Variants in YTHDC1 observed in about 807,000 individuals in gnomAD.
YTHDC1 encodes the protein YTH N6-methyladenosine RNA binding protein C1, also known as YTH domain-containing protein 1.
YTHDC1 carries 12 observed loss-of-function variants against 107.0 expected under a neutral mutation model. The ratio of observed to expected loss-of-function variants is 0.11; its 90% CI spans 0.07 to 0.18. YTHDC1 has a LOEUF of 0.18. Among genes scored for constraint, YTHDC1 ranks in the 10% least tolerant of loss-of-function variants. The probability of loss-of-function intolerance (pLI) is 1.00; values close to 1 mark genes in which losing one functional copy is unlikely to be tolerated. For synonymous variants in YTHDC1, 280 were observed against 289.5 expected, an observed-to-expected ratio of 0.97 and a Z score of 0.33; for missense variants, 635 against 898.8, an observed-to-expected ratio of 0.71 and a Z score of 3.75.
intron 1 of YTHDC1, among the ~76,000 whole-genome samples, chr4:68,349,492 G>C (rs1560511603): frequency 6.6e-6 from 1 of 151,948 alleles, no homozygotes; most frequent in Admixed American, 6.6e-5. Context: ...CGTGAAATCC[G>C]CATCAAAGAA....
At chr4:68,339,364 AG>A (rs1724567305) in intron 1 of YTHDC1, among the ~76,000 whole-genome samples, 2 of 152,252 alleles carry the variant, frequency 1.3e-5, no homozygotes, top group South Asian at 4.1e-4. Flanking sequence ...TTCATATCAA[AG>A]CAGACCTAGA....
rs148288862 is a variant in YTHDC1 at position 68,349,136 on chromosome 4, C to T, written c.28+590G>A. Among the ~76,000 whole-genome samples, 6 of 152,336 alleles carry T rather than the reference C, an allele frequency of 3.9e-5. No individual in the cohort carries two copies. In the East Asian group the frequency reaches 7.7e-4, roughly 20 times the overall value. On this transcript the variant is annotated intron_variant, in intron 1 of 16. Transcript: ENST00000344157. Reference sequence around the variant, plus strand: ...TTGCCAGCCTAAGTCACACAGTCATCTTTCCAAACTAAGTATTCCTTTTTC... The same window carrying T: ...TTGCCAGCCTAAGTCACACAGTCATTTTTCCAAACTAAGTATTCCTTTTTC...
intron 7 of YTHDC1, among the ~76,000 whole-genome samples, chr4:68,330,631 A>G (rs958955143): frequency 1.3e-5 from 2 of 152,156 alleles, no homozygotes; most frequent in Non-Finnish European, 2.9e-5. Flanking sequence ...ACAACCATTT[A>G]CTGTGGTAAA....
intron 4 of YTHDC1, among the ~76,000 whole-genome samples, chr4:68,333,787 C>A (rs1329263410): frequency 6.6e-6 from 1 of 151,940 alleles, no homozygotes; most frequent in East Asian, 1.9e-4. Flanking sequence ...TTTTTAAACT[C>A]CACTACCATT....
At chr4:68,344,113 A>C (rs1725149210) in intron 1 of YTHDC1, 1 of 152,152 alleles carries the variant, frequency 6.6e-6, no homozygotes, top group Non-Finnish European at 1.5e-5. Flanking sequence ...ACATATGTCA[A>C]AGTTTTGCAT....
chr4:68,322,647 C>T lies in YTHDC1; in HGVS notation c.1601+102G>A. On this transcript the variant is annotated intron_variant, in intron 11 of 16. Coordinates refer to ENST00000344157, the MANE Select transcript of YTHDC1 (RefSeq NM_001031732.4). This position sits in a 1 kb window ranked among gnomAD's most constrained non-coding sequence, Gnocchi z 4.8. The stretch of plus-strand genomic sequence containing the variant: ...CCATGCAGCTTGATTTGAGGATTTT[C>T]TCTTTCTTCTTTACCGCAGGACAAA... 1 of 1,384,554 alleles carries T rather than the reference C, an allele frequency of 7.2e-7. No homozygotes were observed. Among genetic ancestry groups the T allele is most frequent in the Non-Finnish European group, 9.7e-7 (1 of 1,031,784 alleles). 85.8% of individuals were successfully genotyped at this position (1,384,554 alleles called of 1,614,324 possible). A position where few individuals can be genotyped will look rare whatever the true frequency, so the allele number is the denominator to read the frequency against.
intron 15 of YTHDC1, among the ~76,000 whole-genome samples, chr4:68,316,806 T>C (rs962466237): frequency 6.6e-6 from 1 of 152,194 alleles, no homozygotes; most frequent in African/African-American, 2.4e-5. Flanking sequence ...AAGGGAAAAC[T>C]GAAGCAACAA....
chr4:68,320,148 A>G lies in YTHDC1; in HGVS notation c.1659T>C (p.Tyr553=). ...HNSRKKPRID[Y]PPEFHQRPGY... is the part of the protein sequence containing the mutation. ...CTGGTCTCTGGTGAAACTCAGGGGG[A>G]TAGTCAATCCTTGGTTTCTTTCTGC... is the stretch of plus-strand genomic sequence containing the variant. Residue 553 remains tyrosine (Y), a synonymous_variant, in exon 12 of 17, where the codon TAT becomes TAC. Transcript: ENST00000344157. The G allele has an allele frequency of 6.2e-7, 1 of 1,609,908 alleles. No individual in the cohort carries two copies. The highest frequency in any genetic ancestry group is 8.5e-7 in the Non-Finnish European group (1 of 1,178,666).
chr4:68,349,648 C>CCCACGA, intron 1 of YTHDC1, 78 bp downstream of exon 1: 1 of 458,742 alleles, frequency 2.2e-6, no homozygotes, highest in South Asian at 1.6e-5. Context: ...CCCCCCACCC[C>CCCACGA]CAACGACGAC....
intron 4 of YTHDC1, among the ~76,000 whole-genome samples, chr4:68,336,793 T>G (rs1364656347): frequency 3.3e-5 from 5 of 152,232 alleles, no homozygotes; most frequent in African/African-American, 1.2e-4. Context: ...CAAATGGACT[T>G]GTGTTCATTT....
intron 15 of YTHDC1, among the ~76,000 whole-genome samples, chr4:68,318,272 T>C (rs542729152): frequency 1.8e-4 from 28 of 152,280 alleles, no homozygotes; most frequent in African/African-American, 6.5e-4. Context: ...CTAATGTTTT[T>C]TGTATTTTTA....
At position 68,313,958 on chromosome 4, in the gene YTHDC1, A is replaced by G; in HGVS notation, c.*141T>C. ...TCTTATGATACTGCATGCTTGGAAC[A>G]AAGGGGGTCATAATAAATCCTTCTA... On this transcript the variant is annotated 3_prime_UTR_variant, in exon 17 of 17. Transcript: ENST00000344157. The G allele has an allele frequency of 2.2e-6, 2 of 894,624 alleles. No individual in the cohort carries two copies. Among genetic ancestry groups the G allele is most frequent in the Admixed American group, 2.3e-5 (1 of 42,898 alleles). The allele number at this position is 894,624 out of a possible 1,614,324, so 55.4% of individuals were successfully genotyped here. A position where few individuals can be genotyped will look rare whatever the true frequency, so the allele number is the denominator to read the frequency against.
chr4:68,321,338 G>C (rs193205306), intron 11 of YTHDC1, among the ~76,000 whole-genome samples: 2 of 152,188 alleles, frequency 1.3e-5, no homozygotes, highest in African/African-American at 2.4e-5. Flanking sequence ...ATAATACTAA[G>C]AAAATTAAAA....
At position 68,313,810 on chromosome 4, in the gene YTHDC1, C is replaced by T. The variant is rs2109670286; in HGVS notation, c.*289G>A. ...AAAAAATAACTCTAGGATGAACACA[C>T]TATAAGAACATTTATGGAGAAAGAA... On this transcript the variant is annotated 3_prime_UTR_variant, in exon 17 of 17. Transcript: ENST00000344157. 2.4e-6 allele frequency: 1 copy of T among 418,866 alleles called. No individual in the cohort carries two copies. Among genetic ancestry groups the T allele is most frequent in the East Asian group, 4.1e-5 (1 of 24,210 alleles). The allele number at this position is 418,866 out of a possible 1,614,324, so 25.9% of individuals were successfully genotyped here.
At chr4:68,319,985 A>T (rs1722273308) in intron 12 of YTHDC1, 138 bp downstream of exon 12, 1 of 702,412 alleles carries the variant, frequency 1.4e-6, no homozygotes, top group Non-Finnish European at 2.3e-6. Context: ...GAACTACTAA[A>T]ATTTCTCAAG....
chr4:68,343,123 G>A (rs978895446), intron 1 of YTHDC1, among the ~76,000 whole-genome samples: 2 of 152,086 alleles, frequency 1.3e-5, no homozygotes, highest in African/African-American at 4.8e-5. Context: ...TAATTTCTAT[G>A]ACATAAAGCA....
chr4:68,332,357 C>G (rs1723683592), intron 6 of YTHDC1, among the ~76,000 whole-genome samples, 160 bp from the exon 7 acceptor site: 1 of 152,030 alleles, frequency 6.6e-6, no homozygotes, highest in African/African-American at 2.4e-5. Flanking sequence ...TGTAATAAAG[C>G]AAAGCTAAGA....
At chr4:68,323,855 A>G (rs564293709) in intron 10 of YTHDC1, among the ~76,000 whole-genome samples, 1 of 152,352 alleles carries the variant, frequency 6.6e-6, no homozygotes, top group South Asian at 2.1e-4. Flanking sequence ...TCTGTTAAAC[A>G]GTGATAATAT....
At chr4:68,329,093 T>C (rs886305220) in intron 9 of YTHDC1, among the ~76,000 whole-genome samples, 1 of 152,136 alleles carries the variant, frequency 6.6e-6, no homozygotes, top group Non-Finnish European at 1.5e-5. Flanking sequence ...TCACAGCTCC[T>C]CACTATCCTA....
Sources: allele counts gnomAD v4.1 joint callset (sites outside exome capture counted in the v4.1 genomes callset), GRCh38; gene constraint gnomAD v4.1.1; non-coding constraint Gnocchi (gnomAD v3.1); transcripts MANE v1.5; gene names NCBI Gene and HGNC (gene_info 2026-07-23, HGNC 2026-07-21).